Variants in CEP72 observed in about 807,000 individuals in gnomAD.
The protein encoded by CEP72 is centrosomal protein 72, also known as centrosomal protein of 72 kDa.
CEP72 carries 78 observed loss-of-function variants against 65.7 expected under a neutral mutation model. That is an observed-to-expected ratio of 1.19 (90% confidence interval 0.99 to 1.43). The LOEUF (loss-of-function observed/expected upper bound fraction) is 1.43. Ranked by LOEUF, CEP72 falls within the 40% of genes most tolerant of loss-of-function variation. CEP72 has a pLI of 0.00. For missense variants in CEP72, 914 were observed against 832.9 expected (o/e 1.10, Z -1.20); for synonymous variants, 358 against 351.7 (o/e 1.02, Z -0.20).
intron 4 of CEP72, among the ~76,000 whole-genome samples, chr5:666,357 G>C (rs1199005028): frequency 6.6e-6 from 1 of 152,242 alleles, no homozygotes; most frequent in Non-Finnish European, 1.5e-5. Flanking sequence ...TCTGACACAG[G>C]GTGTGTGCGG....
intron 4 of CEP72, among the ~76,000 whole-genome samples, chr5:626,048 CAG>C (rs1491376910): frequency 9.8e-4 from 36 of 36,586 alleles, no homozygotes; most frequent in South Asian, 4.9e-3. Context: ...GGGTGGGGGG[CAG>C]GGGGGGGCGG....
chr5:656,232 A>G (rs577431583), downstream of CEP72, among the ~76,000 whole-genome samples: 10 of 151,964 alleles, frequency 6.6e-5, no homozygotes, highest in Non-Finnish European at 1.2e-4. Flanking sequence ...TGCCAATACC[A>G]CACACTCTGG....
At chr5:675,652 C>G in the CEP72 span, among the ~76,000 whole-genome samples, 2 of 151,844 alleles carry the variant, frequency 1.3e-5, no homozygotes, top group South Asian at 2.1e-4. Flanking sequence ...GTTGGACGGA[C>G]CCTCGAGGGC....
rs1418884733 is a variant in CEP72 at position 623,328 on chromosome 5, C to CT, written c.404-1142dup. On this transcript the variant is annotated intron_variant, in intron 3 of 11. Coordinates refer to ENST00000264935, the MANE Select transcript of CEP72 (RefSeq NM_018140.4). This position sits in a 1 kb window ranked among gnomAD's most constrained non-coding sequence, Gnocchi z 5.3. Reference sequence around the variant, plus strand: ...CGGGGCCCCGGGACGGCCTGCTGCCCTGCGTGGTGCCTCCTGGAGTGGGCT... The same window carrying CT: ...CGGGGCCCCGGGACGGCCTGCTGCCCTTGCGTGGTGCCTCCTGGAGTGGGCT... 1.3e-5 allele frequency among the ~76,000 whole-genome samples: 2 copies of CT among 152,346 alleles called. No individual in the cohort carries two copies. Among genetic ancestry groups the CT allele is most frequent in the Non-Finnish European group, 2.9e-5 (2 of 68,030 alleles).
At chr5:668,741 A>G (rs1329021750), downstream of CEP72, among the ~76,000 whole-genome samples, 2 of 152,224 alleles carry the variant, frequency 1.3e-5, no homozygotes, top group Non-Finnish European at 2.9e-5. Context: ...AATGTTTACC[A>G]CTGTTCTGCT....
Position 620,316 on chromosome 5 carries a change from C to CG in CEP72, c.403+59dup, listed in dbSNP as rs1471572550. ...TTTTGTCCCCGTGGGGTATGGGAGT[C>CG]GGGGAGTCGTAGTGGGTGTCTGTGT... On this transcript the variant is annotated intron_variant, in intron 3 of 11. Transcript: ENST00000264935. The CG allele has an allele frequency of 2.0e-6, 3 of 1,498,786 alleles. No homozygotes were observed. In the African/African-American group the frequency reaches 4.1e-5, roughly 21 times the overall value. 92.8% of individuals were successfully genotyped at this position (1,498,786 alleles called of 1,614,324 possible).
intron 11 of CEP72, 94 bp downstream of exon 11, chr5:648,010 G>A (rs1286968203): frequency 2.1e-5 from 15 of 722,928 alleles, no homozygotes; most frequent in Non-Finnish European, 3.3e-5. Context: ...AGAAGGCACA[G>A]AGGAGCAGCT....
chr5:672,419 C>T, the CEP72 span, among the ~76,000 whole-genome samples: 33 of 152,278 alleles, frequency 2.2e-4, no homozygotes, highest in Non-Finnish European at 3.8e-4. Flanking sequence ...GGAAAATACA[C>T]CACACCCAGC....
the CEP72 span, among the ~76,000 whole-genome samples, chr5:674,466 GC>G: frequency 1.3e-5 from 2 of 152,128 alleles, no homozygotes; most frequent in Admixed American, 6.5e-5. Context: ...GCTAAATATA[GC>G]CGACCCAGTT....
intron 9 of CEP72, 54 bp downstream of exon 9, chr5:640,658 T>TTC: frequency 6.5e-7 from 1 of 1,541,522 alleles, no homozygotes; most frequent in Non-Finnish European, 8.7e-7. Flanking sequence ...GAAACATGGC[T>TTC]CTGACTTCCA....
intron 6 of CEP72, 46 bp from the exon 7 acceptor site, chr5:637,471 C>A: frequency 6.4e-7 from 1 of 1,553,308 alleles, no homozygotes. Flanking sequence ...AACACTGCAC[C>A]CAGAGAATTT....
chr5:616,948 G>A (rs1736035482), intron 1 of CEP72, among the ~76,000 whole-genome samples: 1 of 151,852 alleles, frequency 6.6e-6, no homozygotes, highest in African/African-American at 2.4e-5. Flanking sequence ...ATGTGTTGTT[G>A]TGTGTGTGGG....
Position 666,925 on chromosome 5 carries a change from G to A in CEP72, n.654G>A, listed in dbSNP as rs537899942. 2.6e-5 allele frequency: 4 copies of A among 152,336 alleles called. No homozygotes were observed. In the East Asian group the frequency reaches 5.8e-4, roughly 22 times the overall value. The allele number at this position is 152,336 out of a possible 1,614,324, so 9.4% of individuals were successfully genotyped here. A position where few individuals can be genotyped will look rare whatever the true frequency, so the allele number is the denominator to read the frequency against. ...GTTTAAAACAAGAGATCCTGTGGATGAGGCTCAGCTCTGCAAAAGGCACCT... is the reference window on the plus strand; with the variant it reads ...GTTTAAAACAAGAGATCCTGTGGATAAGGCTCAGCTCTGCAAAAGGCACCT... On this transcript the variant is annotated non_coding_transcript_exon_variant, in exon 5 of 5. Coordinates refer to the CEP72 transcript ENST00000514507.
At chr5:636,309 T>C (rs550295308) in intron 6 of CEP72, among the ~76,000 whole-genome samples, 2 of 152,372 alleles carry the variant, frequency 1.3e-5, no homozygotes, top group Admixed American at 1.3e-4. Flanking sequence ...TTTAGATTCA[T>C]GGTTGGTAAA....
At position 619,125 on chromosome 5, in the gene CEP72, T is replaced by A. The variant is rs1266250868; in HGVS notation, c.210+8T>A. ...TCCTTGGTTAGTCTGGAGGTAAGTT[T>A]TAGGTCTCTTTCTTAAAATTTATTG... On this transcript the variant is annotated splice_region_variant and intron_variant, in intron 2 of 11. Transcript: ENST00000264935. The A allele has an allele frequency of 1.2e-6, 2 of 1,605,476 alleles. No individual in the cohort carries two copies. Among genetic ancestry groups the A allele is most frequent in the Non-Finnish European group, 1.7e-6 (2 of 1,174,138 alleles).
chr5:615,280 C>T (rs1735923379), intron 1 of CEP72, among the ~76,000 whole-genome samples: 1 of 151,996 alleles, frequency 6.6e-6, no homozygotes, highest in Admixed American at 6.6e-5. Flanking sequence ...GGATTACAGG[C>T]GCCTGCCATC....
intron 11 of CEP72, among the ~76,000 whole-genome samples, chr5:648,357 GACT>G (rs1473312222): frequency 1.1e-4 from 14 of 133,170 alleles, no homozygotes; most frequent in African/African-American, 4.2e-4. Context: ...TGTGAGGTGT[GACT>G]GTGAGGTGTG....
chr5:613,444 C>T (rs1579912038), intron 1 of CEP72, among the ~76,000 whole-genome samples: 1 of 152,144 alleles, frequency 6.6e-6, no homozygotes, highest in African/African-American at 2.4e-5. Context: ...AATCTCAGCT[C>T]ACTGCAACCT....
At chr5:663,067 T>TCGGGTGAG (rs1739723943) in intron 1 of CEP72, 1 of 139,970 alleles carries the variant, frequency 7.1e-6, no homozygotes, top group African/African-American at 2.6e-5. Context: ...GATCGGGTGA[T>TCGGGTGAG]TCCGATGACT....
Sources: gnomAD v4.1 joint callset for allele counts (sites outside exome capture counted in the v4.1 genomes callset) on GRCh38, gnomAD v4.1.1 for gene constraint, Gnocchi (gnomAD v3.1) non-coding constraint, MANE v1.5 for transcripts, NCBI Gene and HGNC (gene_info 2026-07-23, HGNC 2026-07-21) for gene names.